The following ZSCAN32 variants were observed in gnomAD, a reference collection of about 807,000 sequenced individuals.
The protein encoded by ZSCAN32 is zinc finger and SCAN domain-containing protein 32.
In ZSCAN32, 52 loss-of-function variants were observed where a neutral mutation model predicts 47.4. The observed-to-expected ratio is 1.10, with a 90% CI of 0.88 to 1.38. The LOEUF (loss-of-function observed/expected upper bound fraction) is 1.38. Ranked by LOEUF, ZSCAN32 falls within the 40% of genes most tolerant of loss-of-function variation. The pLI, the probability that ZSCAN32 is intolerant of heterozygous loss-of-function variation, is 0.00. For synonymous variants in ZSCAN32, 346 were observed against 305.7 expected, an observed-to-expected ratio of 1.13 and a Z score of -1.38; for missense variants, 959 against 846.0, an observed-to-expected ratio of 1.13 and a Z score of -1.66.
At chr16:3,385,244 T>C (rs941859217) in intron 5 of ZSCAN32, among the ~76,000 whole-genome samples, 1 of 152,156 alleles carries the variant, frequency 6.6e-6, no homozygotes, top group African/African-American at 2.4e-5. Context: ...AAGAATCACT[T>C]GAACCCAGGA....
intron 5 of ZSCAN32, among the ~76,000 whole-genome samples, chr16:3,385,799 A>T (rs2031907877): frequency 6.6e-6 from 1 of 152,176 alleles, no homozygotes; most frequent in Non-Finnish European, 1.5e-5. Context: ...TAATTCAAGA[A>T]GGATTAAAGA....
chr16:3,384,358 A>G, intron 6 of ZSCAN32, 101 bp downstream of exon 6: 1 of 1,492,360 alleles, frequency 6.7e-7, no homozygotes, highest in Middle Eastern at 2.0e-4. Flanking sequence ...CAAGATGATG[A>G]TGATGCCAGG....
Position 3,382,963 on chromosome 16 carries a change from G to C in ZSCAN32, c.1983C>G (p.Tyr661Ter), listed in dbSNP as rs1404113534. 8.7e-6 allele frequency: 14 copies of C among 1,614,184 alleles called. No homozygotes were observed. Among genetic ancestry groups the C allele is most frequent in the Non-Finnish European group, 1.2e-5 (14 of 1,180,020 alleles). Residue 661 changes from tyrosine to a stop codon, truncating the protein, a stop_gained, in exon 7 of 7, where the codon TAC becomes TAG. Coordinates refer to ENST00000396852, the MANE Select transcript of ZSCAN32 (RefSeq NM_001284527.2). LOFTEE classifies it low-confidence loss of function (END_TRUNC). The part of the protein sequence containing the change: ...HRKTHTGEKP[Y>*]RCSHCERGFT... ...AGCCTCTCTCACAGTGAGAACACCTGTAAGGCTTTTCACCAGTGTGGGTTT... is the reference window on the plus strand; with the variant it reads ...AGCCTCTCTCACAGTGAGAACACCTCTAAGGCTTTTCACCAGTGTGGGTTT...
chr16:3,397,838 C>A (rs2033523435), intron 1 of ZSCAN32, 94 bp from the exon 2 acceptor site: 7 of 253,222 alleles, frequency 2.8e-5, no homozygotes, highest in Non-Finnish European at 5.2e-5. Context: ...TTTACTCCCT[C>A]CACAAATCTA....
At chr16:3,391,782 CA>C (rs2032734609) in intron 3 of ZSCAN32, among the ~76,000 whole-genome samples, 1 of 151,052 alleles carries the variant, frequency 6.6e-6, no homozygotes, top group Non-Finnish European at 1.5e-5. Flanking sequence ...CACTGTTTTT[CA>C]GGCTGGATGT....
In ZSCAN32 at chr16:3,383,901, A is replaced by T. The variant is rs1596442385; in HGVS notation, c.1235-190T>A. Reference sequence around the variant, plus strand: ...TTGAGCTCCAAATTATTACAGGAAAATTATGCCCTAAACTCCAACTTTTCT... The same window carrying T: ...TTGAGCTCCAAATTATTACAGGAAATTTATGCCCTAAACTCCAACTTTTCT... On this transcript the variant is annotated intron_variant, in intron 6 of 6. Coordinates refer to ENST00000396852, the MANE Select transcript of ZSCAN32 (RefSeq NM_001284527.2). 8 of 700,784 alleles carry T rather than the reference A, an allele frequency of 1.1e-5. No individual in the cohort carries two copies. In the South Asian group the frequency reaches 2.0e-4, roughly 17 times the overall value. The allele number at this position is 700,784 out of a possible 1,614,324, so 43.4% of individuals were successfully genotyped here. A position where few individuals can be genotyped will look rare whatever the true frequency, so the allele number is the denominator to read the frequency against.
chr16:3,384,578 T>A lies in ZSCAN32; in HGVS notation c.1115A>T (p.Glu372Val). ...EAGELNHQNG[E>V]PTEVEDGTVD... is the part of the protein sequence containing the mutation. ...AGTGCCATCTTCTACCTCCGTGGGT[T>A]CCCCATTCTGGTGATTCAGCTCTCC... Residue 372 changes from glutamate to valine, a missense_variant, in exon 6 of 7, where the codon GAA (glutamate) becomes GTA (valine). Physicochemically the swap from Glu to Val is moderately radical, Grantham distance 121. Coordinates refer to ENST00000396852, the MANE Select transcript of ZSCAN32 (RefSeq NM_001284527.2). 5 of 1,614,196 alleles carry A rather than the reference T, an allele frequency of 3.1e-6. No homozygotes were observed. The highest frequency in any genetic ancestry group is 2.2e-5 in the East Asian group (1 of 44,882).
Position 3,382,783 on chromosome 16 carries a change from C to A in ZSCAN32, c.*69G>T. 1 of 1,512,094 alleles carries A rather than the reference C, an allele frequency of 6.6e-7. No individual in the cohort carries two copies. Among genetic ancestry groups the A allele is most frequent in the Non-Finnish European group, 8.8e-7 (1 of 1,130,614 alleles). The allele number at this position is 1,512,094 out of a possible 1,614,324, so 93.7% of individuals were successfully genotyped here. A position where few individuals can be genotyped will look rare whatever the true frequency, so the allele number is the denominator to read the frequency against. ...TTGCAAAGTCAGGGACTGGCTAGAT[C>A]TCTCCACAGCAGAAGAAAGCTCATA... is the stretch of plus-strand genomic sequence containing the variant. On this transcript the variant is annotated 3_prime_UTR_variant, in exon 7 of 7. Transcript: ENST00000396852.
intron 2 of ZSCAN32, among the ~76,000 whole-genome samples, chr16:3,395,325 C>T (rs1009328206): frequency 1.3e-5 from 2 of 152,180 alleles, no homozygotes; most frequent in Non-Finnish European, 2.9e-5. Context: ...TGTGTCCCCA[C>T]CCAAATCTCA....
At chr16:3,399,296 A>G (rs2033667060) in intron 1 of ZSCAN32, among the ~76,000 whole-genome samples, 2 of 152,200 alleles carry the variant, frequency 1.3e-5, no homozygotes, top group Non-Finnish European at 2.9e-5. Context: ...AGAAGTGGGC[A>G]TATGACACAC....
At chr16:3,384,313 T>C (rs2031656661) in intron 6 of ZSCAN32, 146 bp downstream of exon 6, 4 of 1,194,716 alleles carry the variant, frequency 3.3e-6, no homozygotes, top group Non-Finnish European at 4.7e-6. Flanking sequence ...AACCTTTAAC[T>C]CCATGAAAAC....
chr16:3,392,534 A>G (rs1275210485), intron 3 of ZSCAN32, among the ~76,000 whole-genome samples: 4 of 152,044 alleles, frequency 2.6e-5, no homozygotes, highest in Non-Finnish European at 4.4e-5. Flanking sequence ...TTTAGTTTAA[A>G]AAGTTTTCTA....
chr16:3,391,692 A>C (rs1426671576), intron 3 of ZSCAN32, among the ~76,000 whole-genome samples: 6 of 147,912 alleles, frequency 4.1e-5, no homozygotes, highest in Non-Finnish European at 7.5e-5. Context: ...AAAAAAAAAA[A>C]AAAAACAAAA....
Position 3,384,616 on chromosome 16 carries a change from A to G in ZSCAN32, c.1077T>C (p.Ser359=). 6.2e-7 allele frequency: 1 copy of G among 1,613,976 alleles called. No homozygotes were observed. The highest frequency in any genetic ancestry group is 8.5e-7 in the Non-Finnish European group (1 of 1,179,986). The part of the protein sequence containing the change: ...ASDAVPGQEG[S]DIEAGELNHQ... ...GATTCAGCTCTCCAGCCTCAATATCACTTCCTTCTTGGCCAGGAACAGCAT... is the reference window on the plus strand; with the variant it reads ...GATTCAGCTCTCCAGCCTCAATATCGCTTCCTTCTTGGCCAGGAACAGCAT... Residue 359 remains serine (S), a synonymous_variant, in exon 6 of 7, where the codon AGT becomes AGC. Coordinates refer to ENST00000396852, the MANE Select transcript of ZSCAN32 (RefSeq NM_001284527.2).
intron 1 of ZSCAN32, among the ~76,000 whole-genome samples, chr16:3,400,055 C>G (rs920304111): frequency 6.6e-6 from 1 of 152,310 alleles, no homozygotes; most frequent in African/African-American, 2.4e-5. Flanking sequence ...GATGAATATA[C>G]TCAGGACTAC....
At chr16:3,387,593 C>T (rs1052593749) in intron 5 of ZSCAN32, among the ~76,000 whole-genome samples, 1 of 152,238 alleles carries the variant, frequency 6.6e-6, no homozygotes, top group Non-Finnish European at 1.5e-5. Context: ...TCATGATGCT[C>T]TGAAGCGCAC....
chr16:3,396,699 C>T (rs917422327), intron 2 of ZSCAN32, among the ~76,000 whole-genome samples: 1 of 152,192 alleles, frequency 6.6e-6, no homozygotes, highest in Non-Finnish European at 1.5e-5. Context: ...AGACCTAGTC[C>T]TGACCGTAAG....
At chr16:3,394,925 G>C (rs974076368) in intron 2 of ZSCAN32, among the ~76,000 whole-genome samples, 1 of 152,110 alleles carries the variant, frequency 6.6e-6, no homozygotes, top group Non-Finnish European at 1.5e-5. Context: ...GAGAAGTCCT[G>C]CCTCACAGCC....
chr16:3,396,376 G>A (rs767825538), intron 2 of ZSCAN32, among the ~76,000 whole-genome samples: 7 of 151,918 alleles, frequency 4.6e-5, no homozygotes, highest in African/African-American at 9.7e-5. Flanking sequence ...CCCACAGCCC[G>A]TGCACATCCC....
Sources: allele counts gnomAD v4.1 joint callset (sites outside exome capture counted in the v4.1 genomes callset), GRCh38; gene constraint gnomAD v4.1.1; transcripts MANE v1.5; gene names NCBI Gene and HGNC (gene_info 2026-07-23, HGNC 2026-07-21).